Variants in PMPCB observed in about 807,000 individuals in gnomAD.
The protein encoded by PMPCB is mitochondrial-processing peptidase subunit beta.
A neutral mutation model predicts 61.5 loss-of-function variants in PMPCB; 46 were observed. The observed-to-expected ratio is 0.75, with a 90% CI of 0.59 to 0.96. PMPCB has a LOEUF of 0.96. Among genes scored for constraint, PMPCB ranks in the 40% least tolerant of loss-of-function variants. PMPCB has a pLI of 0.00. For synonymous variants in PMPCB, 191 were observed against 201.6 expected (o/e 0.95, Z 0.44); for missense variants, 590 against 602.4 (o/e 0.98, Z 0.22).
At chr7:103,298,746 A>G (rs1817365052) in intron 2 of PMPCB, 38 bp downstream of exon 2, 2 of 1,586,318 alleles carry the variant, frequency 1.3e-6, no homozygotes, top group Non-Finnish European at 1.7e-6. Context: ...GTGACCCTTC[A>G]TTTAGCGTAG....
downstream of PMPCB, among the ~76,000 whole-genome samples, chr7:103,331,427 C>T (rs888196631): frequency 1.3e-5 from 2 of 152,138 alleles, no homozygotes; most frequent in Admixed American, 6.5e-5. Context: ...CTATCATCAC[C>T]CTACTCTGCT....
the PMPCB span, among the ~76,000 whole-genome samples, chr7:103,341,418 A>G: frequency 2.6e-5 from 4 of 152,190 alleles, no homozygotes; most frequent in Non-Finnish European, 5.9e-5. Context: ...CGACTTATCA[A>G]TTCCTCAAGA....
At position 103,312,819 on chromosome 7, in the gene PMPCB, T is replaced by C. The variant is rs1817827183; in HGVS notation, c.*548T>C. On this transcript the variant is annotated 3_prime_UTR_variant, in exon 13 of 13. Transcript: ENST00000249269. ...GTTGCTCATTTCTTCCTCATAATATTGACCCCATAACTACTGGTTTTGAAA... is the reference window on the plus strand; with the variant it reads ...GTTGCTCATTTCTTCCTCATAATATCGACCCCATAACTACTGGTTTTGAAA... 3 of 1,518,766 alleles carry C rather than the reference T, an allele frequency of 2.0e-6. No homozygotes were observed. Among genetic ancestry groups the C allele is most frequent in the African/African-American group, 2.8e-5 (2 of 71,716 alleles). 94.1% of individuals were successfully genotyped at this position (1,518,766 alleles called of 1,614,324 possible).
chr7:103,315,936 G>A, downstream of PMPCB: 2 of 1,549,866 alleles, frequency 1.3e-6, no homozygotes, highest in South Asian at 2.3e-5. Flanking sequence ...AATTGCATAA[G>A]TTATTTTAAA....
chr7:103,302,592 A>G (rs1264678444), intron 4 of PMPCB, among the ~76,000 whole-genome samples: 1 of 152,180 alleles, frequency 6.6e-6, no homozygotes, highest in African/African-American at 2.4e-5. Flanking sequence ...TTTTACAGAT[A>G]ATTTTTTCCT....
At chr7:103,345,182 T>C in the PMPCB span, 1 of 160,434 alleles carries the variant, frequency 6.2e-6, no homozygotes, top group Admixed American at 6.5e-5. Context: ...ATGATGATAA[T>C]AGCAGCTAAT....
chr7:103,321,421 G>A (rs1402715689), intron 12 of PMPCB, among the ~76,000 whole-genome samples: 1 of 152,058 alleles, frequency 6.6e-6, no homozygotes, highest in East Asian at 1.9e-4. Flanking sequence ...AGGAGGCTGA[G>A]GCAGGAGAGT....
At chr7:103,325,222 T>C (rs191580970) in intron 12 of PMPCB, among the ~76,000 whole-genome samples, 1 of 152,250 alleles carries the variant, frequency 6.6e-6, no homozygotes, top group African/African-American at 2.4e-5. Flanking sequence ...GGCCAGCGGA[T>C]CACCTGAGGC....
the PMPCB span, chr7:103,347,527 A>C: frequency 0.024 from 14,274 of 587,276 alleles, 262 homozygotes; most frequent in Non-Finnish European, 0.029. Context: ...CTCACAGGTA[A>C]TCAGTCCAAA....
chr7:103,344,527 TGAGAAGGAACC>T, the PMPCB span: 1 of 1,612,328 alleles, frequency 6.2e-7, no homozygotes, highest in Non-Finnish European at 8.5e-7. Flanking sequence ...GCAGCTGAGG[TGAGAAGGAACC>T]GAGGTTGGGT....
the PMPCB span, chr7:103,337,870 T>C: frequency 2.4e-6 from 3 of 1,254,860 alleles, no homozygotes; most frequent in South Asian, 2.5e-5. Flanking sequence ...ATTCCATCCC[T>C]TGTGTTCTGG....
rs1046379688 is a variant in PMPCB at position 103,314,567 on chromosome 7, T to G, written c.*2296T>G. On this transcript the variant is annotated 3_prime_UTR_variant, in exon 13 of 13. Transcript: ENST00000249269. The stretch of plus-strand genomic sequence containing the variant: ...GACTAGTGTGCTAATACCTGTTGTA[T>G]TTTGTGGAGATAAAGGTGCAGGAGA... The G allele has an allele frequency of 4.1e-6, 4 of 985,254 alleles. No homozygotes were observed. In the East Asian group the frequency reaches 3.4e-4, roughly 84 times the overall value. The allele number at this position is 985,254 out of a possible 1,614,324, so 61.0% of individuals were successfully genotyped here.
chr7:103,331,439 C>T (rs1818965895), downstream of PMPCB, among the ~76,000 whole-genome samples: 1 of 152,198 alleles, frequency 6.6e-6, no homozygotes, highest in Admixed American at 6.5e-5. Flanking sequence ...TACTCTGCTA[C>T]AGAACACTGG....
intron 12 of PMPCB, among the ~76,000 whole-genome samples, chr7:103,326,229 C>T (rs1168327337): frequency 1.3e-5 from 2 of 152,264 alleles, no homozygotes; most frequent in African/African-American, 2.4e-5. Context: ...CCGTCCACCT[C>T]GGCCTTCCAA....
chr7:103,307,445 A>G (rs2115680930), intron 6 of PMPCB, 151 bp from the exon 7 acceptor site: 1 of 539,380 alleles, frequency 1.9e-6, no homozygotes, highest in Middle Eastern at 4.7e-4. Context: ...ACACCAAGGA[A>G]ATAGGTGTGC....
chr7:103,315,169 ATT>A (rs35425130), downstream of PMPCB, among the ~76,000 whole-genome samples: 3,713 of 146,770 alleles, frequency 0.025, 75 homozygotes, highest in African/African-American at 0.049. Flanking sequence ...AAACCCTAAC[ATT>A]TTTTTTTTTT....
At chr7:103,324,335 T>A (rs138147731) in intron 12 of PMPCB, 3 of 582,178 alleles carry the variant, frequency 5.2e-6, no homozygotes, top group Non-Finnish European at 7.7e-6. Context: ...CTTAAAAGTG[T>A]AAATATCACA....
chr7:103,321,802 C>G (rs567260271), intron 12 of PMPCB: 15 of 975,866 alleles, frequency 1.5e-5, no homozygotes, highest in Non-Finnish European at 2.0e-5. Flanking sequence ...GAACTGAGAT[C>G]GCGCCACTGC....
chr7:103,307,466 T>C, intron 6 of PMPCB, 130 bp from the exon 7 acceptor site: 1 of 592,160 alleles, frequency 1.7e-6, no homozygotes, highest in South Asian at 2.2e-5. Flanking sequence ...TATGTGAGCT[T>C]ACTCTTAAAT....
Sources: allele counts gnomAD v4.1 joint callset (sites outside exome capture counted in the v4.1 genomes callset), GRCh38; gene constraint gnomAD v4.1.1; transcripts MANE v1.5; gene names NCBI Gene and HGNC (gene_info 2026-07-23, HGNC 2026-07-21).